Variants in PLEKHA2 observed in about 807,000 individuals in gnomAD.
PLEKHA2 encodes the protein pleckstrin homology domain containing A2.
PLEKHA2 carries 28 observed loss-of-function variants against 53.2 expected under a neutral mutation model. The observed-to-expected ratio is 0.53, with a 90% CI of 0.39 to 0.72. The LOEUF (loss-of-function observed/expected upper bound fraction) is 0.72, where lower values mean the gene tolerates loss of function less well. PLEKHA2 is among the 30% of genes least tolerant of loss of function. PLEKHA2 has a pLI of 0.00. For synonymous variants in PLEKHA2, 193 were observed against 196.4 expected (o/e 0.98, Z 0.14); for missense variants, 426 against 537.9 (o/e 0.79, Z 2.06).
chr8:38,918,447 CCCA>C, intron 2 of PLEKHA2, among the ~76,000 whole-genome samples: 1 of 144,064 alleles, frequency 6.9e-6, no homozygotes, highest in African/African-American at 2.6e-5. Flanking sequence ...ACACACACAA[CCCA>C]TACACCATAC....
intron 1 of PLEKHA2, among the ~76,000 whole-genome samples, chr8:38,911,766 A>G (rs911427097): frequency 1.3e-5 from 2 of 152,046 alleles, no homozygotes; most frequent in Non-Finnish European, 2.9e-5. Context: ...GCCTGGGTCT[A>G]AGAGTTTGAA....
chr8:38,969,065 A>ATT (rs200615150), intron 11 of PLEKHA2: 11 of 295,928 alleles, frequency 3.7e-5, no homozygotes, highest in Middle Eastern at 1.1e-3. Context: ...CGCCCAGCTG[A>ATT]TTTTTTTGTA....
chr8:38,918,403 C>A (rs1488244529), intron 2 of PLEKHA2, among the ~76,000 whole-genome samples: 1 of 148,572 alleles, frequency 6.7e-6, no homozygotes, highest in Non-Finnish European at 1.5e-5. Context: ...CATACACATA[C>A]CACAGACACA....
At chr8:38,960,646 A>G (rs7004020) in intron 10 of PLEKHA2, among the ~76,000 whole-genome samples, 5,142 of 152,324 alleles carry the variant, frequency 0.034, 279 homozygotes, top group African/African-American at 0.12. Context: ...GGATTCTCCT[A>G]TCTGCTTCTG....
intron 8 of PLEKHA2, 56 bp from the exon 9 acceptor site, chr8:38,953,241 G>A: frequency 7.1e-7 from 1 of 1,404,082 alleles, no homozygotes; most frequent in South Asian, 1.2e-5. Context: ...AGCTGGTCTG[G>A]GTCGTGATAT....
At chr8:38,958,830 G>A (rs527510899) in intron 10 of PLEKHA2, among the ~76,000 whole-genome samples, 117 of 152,302 alleles carry the variant, frequency 7.7e-4, no homozygotes, top group African/African-American at 2.6e-3. Flanking sequence ...AGGTTAAACA[G>A]AACAGATCCC....
intron 9 of PLEKHA2, among the ~76,000 whole-genome samples, chr8:38,955,028 C>G (rs1424689360): frequency 1.3e-5 from 2 of 152,186 alleles, no homozygotes; most frequent in African/African-American, 4.8e-5. Flanking sequence ...GAGTGAAACT[C>G]TGTCTCAAAT....
At chr8:38,902,406 A>G (rs571561191) in intron 1 of PLEKHA2, among the ~76,000 whole-genome samples, 2 of 152,114 alleles carry the variant, frequency 1.3e-5, no homozygotes, top group East Asian at 3.9e-4. Context: ...TTCAGGATGT[A>G]TCTTCCCCTT....
intron 2 of PLEKHA2, among the ~76,000 whole-genome samples, chr8:38,933,878 C>A (rs1434334931): frequency 6.7e-6 from 1 of 148,990 alleles, no homozygotes; most frequent in Non-Finnish European, 1.5e-5. Context: ...AGTTCATATA[C>A]AAATCTGGCT....
intron 5 of PLEKHA2, among the ~76,000 whole-genome samples, chr8:38,950,218 G>T (rs772004809): frequency 7.9e-5 from 12 of 151,808 alleles, no homozygotes; most frequent in Non-Finnish European, 1.5e-4. Context: ...ATTTTTAGTA[G>T]AGATGGGATC....
At chr8:38,952,755 G>C in intron 8 of PLEKHA2, 51 bp downstream of exon 8, 1 of 1,551,106 alleles carries the variant, frequency 6.4e-7, no homozygotes, top group East Asian at 2.2e-5. Context: ...ACTAAGAGGT[G>C]CATAGGTGCA....
Position 38,971,033 on chromosome 8 carries a change from G to T in PLEKHA2, c.*1250G>T, listed in dbSNP as rs1167373378. ...AATTAAAAATTAGTAACTAGAGGAAGAGACTAAGAGAACTATTTTTACCTG... is the reference window on the plus strand; with the variant it reads ...AATTAAAAATTAGTAACTAGAGGAATAGACTAAGAGAACTATTTTTACCTG... On this transcript the variant is annotated 3_prime_UTR_variant, in exon 12 of 12. Transcript: ENST00000617275. The T allele has an allele frequency of 6.6e-6, 1 of 152,218 alleles. No individual in the cohort carries two copies. Among genetic ancestry groups the T allele is most frequent in the Non-Finnish European group, 1.5e-5 (1 of 68,042 alleles). The allele number at this position is 152,218 out of a possible 1,614,324, so 9.4% of individuals were successfully genotyped here.
At chr8:38,968,869 A>T in intron 11 of PLEKHA2, 200 bp downstream of exon 11, 3 of 513,596 alleles carry the variant, frequency 5.8e-6, no homozygotes, top group Admixed American at 3.5e-5. Flanking sequence ...GGAGGAGGTG[A>T]GGTAGGGTTA....
intron 3 of PLEKHA2, among the ~76,000 whole-genome samples, chr8:38,938,903 T>C (rs963417846): frequency 6.6e-6 from 1 of 150,694 alleles, no homozygotes; most frequent in African/African-American, 2.4e-5. Flanking sequence ...TCTTTTTCTT[T>C]TTTTTTTTTT....
At position 38,969,909 on chromosome 8, in the gene PLEKHA2, C is replaced by T. The variant is rs922528491; in HGVS notation, c.*126C>T. 7.3e-7 allele frequency: 1 copy of T among 1,370,336 alleles called. No individual in the cohort carries two copies. The highest frequency in any genetic ancestry group is 2.5e-5 in the East Asian group (1 of 40,002). 84.9% of individuals were successfully genotyped at this position (1,370,336 alleles called of 1,614,324 possible). A position where few individuals can be genotyped will look rare whatever the true frequency, so the allele number is the denominator to read the frequency against. On this transcript the variant is annotated 3_prime_UTR_variant, in exon 12 of 12. Transcript: ENST00000617275. ...TATGTCACTCATATTCCTGTGGATG[C>T]TCTTTGGGAGGGAGGGGCCCATCCA...
intron 2 of PLEKHA2, among the ~76,000 whole-genome samples, chr8:38,918,949 C>A (rs1040436834): frequency 6.6e-6 from 1 of 152,238 alleles, no homozygotes; most frequent in Non-Finnish European, 1.5e-5. Flanking sequence ...TGGATCCAGG[C>A]TCCAAGGCAT....
chr8:38,957,530 C>T, intron 10 of PLEKHA2, 144 bp downstream of exon 10: 2 of 654,600 alleles, frequency 3.1e-6, no homozygotes, highest in Non-Finnish European at 5.2e-6. Context: ...CAGTCTGAGT[C>T]CCATTTCATC....
intron 1 of PLEKHA2, among the ~76,000 whole-genome samples, chr8:38,913,225 G>A (rs1276116824): frequency 2.6e-5 from 4 of 152,114 alleles, no homozygotes; most frequent in Non-Finnish European, 4.4e-5. Context: ...TTAGCTGGGT[G>A]TGGTGATGTG....
intron 2 of PLEKHA2, among the ~76,000 whole-genome samples, chr8:38,933,298 C>A (rs2129418543): frequency 6.6e-6 from 1 of 152,252 alleles, no homozygotes; most frequent in South Asian, 2.1e-4. Flanking sequence ...CCATGGAATT[C>A]TCCCCACCAC....
Sources: gnomAD v4.1 joint callset for allele counts (sites outside exome capture counted in the v4.1 genomes callset) on GRCh38, gnomAD v4.1.1 for gene constraint, MANE v1.5 for transcripts, NCBI Gene and HGNC (gene_info 2026-07-23, HGNC 2026-07-21) for gene names.